The following GNB5 variants were observed in gnomAD, a reference collection of about 807,000 sequenced individuals.
The protein encoded by GNB5 is guanine nucleotide-binding protein subunit beta-5.
Under a neutral mutation model 55.3 loss-of-function variants are expected in GNB5, and 37 were observed. The observed-to-expected ratio is 0.67, with a 90% CI of 0.51 to 0.88. GNB5 has a LOEUF of 0.88. Ranked by LOEUF, GNB5 falls within the 40% of genes least tolerant of loss-of-function variation. The probability of loss-of-function intolerance (pLI) is 0.00; values close to 1 mark genes in which losing one functional copy is unlikely to be tolerated. For missense variants in GNB5, 476 were observed against 515.3 expected (o/e 0.92, Z 0.74); for synonymous variants, 219 against 198.5 (o/e 1.10, Z -0.87).
intron 9 of GNB5, chr15:52,128,652 C>A: frequency 2.1e-6 from 1 of 479,536 alleles, no homozygotes; most frequent in Non-Finnish European, 4.1e-6. Context: ...ACCTGCGATA[C>A]TTTTGGCAAA....
chr15:52,126,061 T>TA lies in GNB5; in HGVS notation c.913-18dup. ...GAGGCGACACTGGGGAGCAAATAAA[T>TA]AAAGAAGCACTTACTTCTGGCTTCA... On this transcript the variant is annotated splice_polypyrimidine_tract_variant and intron_variant, in intron 10 of 12. Coordinates refer to ENST00000261837, the MANE Select transcript of GNB5 (RefSeq NM_016194.4). 7.8e-7 allele frequency: 1 copy of TA among 1,279,216 alleles called. No homozygotes were observed. The highest frequency in any genetic ancestry group is 1.9e-4 in the Middle Eastern group (1 of 5,324). The allele number at this position is 1,279,216 out of a possible 1,614,324, so 79.2% of individuals were successfully genotyped here.
chr15:52,152,522 A>G (rs143256378), intron 4 of GNB5, among the ~76,000 whole-genome samples: 1 of 151,132 alleles, frequency 6.6e-6, no homozygotes, highest in African/African-American at 2.4e-5. Context: ...ACGAGGTTTC[A>G]CCATGTTGGC....
chr15:52,189,641 C>G (rs546719838), intron 1 of GNB5, among the ~76,000 whole-genome samples: 11 of 152,220 alleles, frequency 7.2e-5, no homozygotes, highest in Admixed American at 1.3e-4. Flanking sequence ...TTCATGGCAG[C>G]ATTATTAGCC....
intron 7 of GNB5, among the ~76,000 whole-genome samples, chr15:52,136,055 G>A (rs1364079315): frequency 8.3e-6 from 1 of 119,816 alleles, no homozygotes; most frequent in Non-Finnish European, 1.6e-5. Context: ...GTTTTGCAGG[G>A]AAAAGCAGAA....
chr15:52,162,034 G>T (rs1271071438), intron 3 of GNB5, among the ~76,000 whole-genome samples: 2 of 152,150 alleles, frequency 1.3e-5, no homozygotes, highest in East Asian at 3.8e-4. Flanking sequence ...CTACCCCTAA[G>T]TTCCAAATAT....
chr15:52,173,058 T>C (rs973508117), intron 3 of GNB5, among the ~76,000 whole-genome samples: 1 of 152,204 alleles, frequency 6.6e-6, no homozygotes, highest in Non-Finnish European at 1.5e-5. Context: ...CTCACTGTTG[T>C]AGGAGGGTGA....
intron 9 of GNB5, among the ~76,000 whole-genome samples, chr15:52,132,556 C>T (rs2033603216): frequency 6.7e-6 from 1 of 149,148 alleles, no homozygotes; most frequent in Non-Finnish European, 1.5e-5. Context: ...GGCACCATCT[C>T]GGCTCACTGT....
intron 3 of GNB5, among the ~76,000 whole-genome samples, chr15:52,154,459 C>T (rs2034166601): frequency 6.6e-6 from 1 of 152,144 alleles, no homozygotes. Context: ...GACCGCTATG[C>T]CCATTTAGCA....
intron 4 of GNB5, among the ~76,000 whole-genome samples, chr15:52,151,370 T>G (rs1050006507): frequency 2.2e-4 from 33 of 152,182 alleles, no homozygotes; most frequent in Non-Finnish European, 4.4e-5. Context: ...TGCCACCCAC[T>G]GTGTGCTCTG....
intron 8 of GNB5, among the ~76,000 whole-genome samples, chr15:52,133,762 C>T (rs888417946): frequency 9.2e-5 from 14 of 152,232 alleles, no homozygotes; most frequent in African/African-American, 1.7e-4. Flanking sequence ...TACCCTCCCC[C>T]GGGCATCTCC....
chr15:52,115,463 A>G lies in GNB5; in HGVS notation c.*7294T>C, dbSNP rs1475172734. ...ATCACGGGGCTGTCACAAGGATTACATGAATCGGTATATACAAAGTGCTTA... is the reference window on the plus strand; with the variant it reads ...ATCACGGGGCTGTCACAAGGATTACGTGAATCGGTATATACAAAGTGCTTA... On this transcript the variant is annotated 3_prime_UTR_variant, in exon 13 of 13. Transcript: ENST00000261837. 6.6e-6 allele frequency: 1 copy of G among 152,246 alleles called. No individual in the cohort carries two copies. Among genetic ancestry groups the G allele is most frequent in the East Asian group, 1.9e-4 (1 of 5,196 alleles). The allele number at this position is 152,246 out of a possible 1,614,324, so 9.4% of individuals were successfully genotyped here. A position where few individuals can be genotyped will look rare whatever the true frequency, so the allele number is the denominator to read the frequency against.
At chr15:52,127,116 C>T (rs2033450561) in intron 10 of GNB5, among the ~76,000 whole-genome samples, 2 of 152,152 alleles carry the variant, frequency 1.3e-5, no homozygotes, top group African/African-American at 4.8e-5. Flanking sequence ...TGTTTTCAAG[C>T]TCTTGATTCA....
At chr15:52,162,892 G>C (rs2034364705) in intron 3 of GNB5, 1 of 152,232 alleles carries the variant, frequency 6.6e-6, no homozygotes, top group Non-Finnish European at 1.5e-5. Flanking sequence ...ACACAAGGCG[G>C]GCCAAGATGG....
intron 5 of GNB5, among the ~76,000 whole-genome samples, chr15:52,147,836 G>C (rs2141208583): frequency 6.6e-6 from 1 of 152,214 alleles, no homozygotes; most frequent in East Asian, 1.9e-4. Flanking sequence ...GCTCACCGTG[G>C]CCTCCCAAAG....
intron 9 of GNB5, among the ~76,000 whole-genome samples, chr15:52,131,617 A>G (rs1459803163): frequency 6.6e-6 from 1 of 152,152 alleles, no homozygotes; most frequent in Non-Finnish European, 1.5e-5. Flanking sequence ...AGTAATTTTC[A>G]GATTGATTTC....
At chr15:52,133,597 A>T in intron 8 of GNB5, 128 bp from the exon 9 acceptor site, 1 of 654,460 alleles carries the variant, frequency 1.5e-6, no homozygotes, top group Non-Finnish European at 2.8e-6. Context: ...CACTTTTCTG[A>T]GACTAGCTTT....
At chr15:52,155,638 T>C (rs2034192605) in intron 3 of GNB5, among the ~76,000 whole-genome samples, 1 of 152,178 alleles carries the variant, frequency 6.6e-6, no homozygotes, top group Non-Finnish European at 1.5e-5. Flanking sequence ...CCTCCAGTTA[T>C]ATTTAGCCTC....
At chr15:52,146,637 T>C (rs2033982426) in intron 6 of GNB5, among the ~76,000 whole-genome samples, 1 of 152,134 alleles carries the variant, frequency 6.6e-6, no homozygotes. Context: ...TGATCACAGC[T>C]TACTGTAGCC....
chr15:52,154,134 G>A (rs757584144), intron 3 of GNB5, 58 bp from the exon 4 acceptor site: 8 of 1,549,182 alleles, frequency 5.2e-6, no homozygotes, highest in Non-Finnish European at 7.0e-6. Flanking sequence ...TGGGCTTTGG[G>A]CTGACACAGC....
Sources: allele counts gnomAD v4.1 joint callset (sites outside exome capture counted in the v4.1 genomes callset), GRCh38; gene constraint gnomAD v4.1.1; transcripts MANE v1.5; gene names NCBI Gene and HGNC (gene_info 2026-07-23, HGNC 2026-07-21).